ATP11B: variants seen among roughly 807,000 people sequenced by gnomAD.
ATP11B encodes the protein ATPase phospholipid transporting 11B (putative), also known as phospholipid-transporting ATPase IF.
ATP11B carries 81 observed loss-of-function variants against 157.8 expected under a neutral mutation model. The observed-to-expected ratio is 0.51, with a 90% CI of 0.43 to 0.62. ATP11B has a LOEUF of 0.62. ATP11B is among the 20% of genes least tolerant of loss of function. The pLI, the probability that ATP11B is intolerant of heterozygous loss-of-function variation, is 0.00. For missense variants in ATP11B, 1,165 were observed against 1,402.2 expected (o/e 0.83, Z 2.70); for synonymous variants, 451 against 469.4 (o/e 0.96, Z 0.51).
chr3:182,917,990 G>C, intron 29 of ATP11B, 33 bp from the exon 30 acceptor site: 1 of 1,610,100 alleles, frequency 6.2e-7, no homozygotes, highest in Non-Finnish European at 8.5e-7. Flanking sequence ...ATAGGTCCTG[G>C]TGAGCCAAAC....
intron 1 of ATP11B, among the ~76,000 whole-genome samples, chr3:182,801,449 T>C (rs946861467): frequency 6.6e-6 from 1 of 152,246 alleles, no homozygotes; most frequent in Non-Finnish European, 1.5e-5. Flanking sequence ...TTTTATTCTT[T>C]CTTTAAGCAT....
chr3:182,862,758 A>G (rs1055917013), intron 12 of ATP11B, among the ~76,000 whole-genome samples: 1 of 151,054 alleles, frequency 6.6e-6, no homozygotes, highest in Non-Finnish European at 1.5e-5. Flanking sequence ...CCATCTTCCA[A>G]ACTTGTGTCA....
rs762893832 is a variant in ATP11B at position 182,889,522 on chromosome 3, G to T, written c.2956G>T (p.Asp986Tyr). 1.5e-5 allele frequency: 24 copies of T among 1,561,608 alleles called. No homozygotes were observed. The highest frequency in any genetic ancestry group is 1.7e-4 in the Middle Eastern group (1 of 5,920). ...FFGSYLLIGKDTSLLGNGQMF... is the reference protein window; with the variant it reads ...FFGSYLLIGKYTSLLGNGQMF... ...TGGATCCTATTTACTAATAGGGAAAGATACATCTCTGCTTGGAAATGGCCA... is the reference window on the plus strand; with the variant it reads ...TGGATCCTATTTACTAATAGGGAAATATACATCTCTGCTTGGAAATGGCCA... Residue 986 changes from aspartate to tyrosine, a missense_variant, in exon 25 of 30, where the codon GAT becomes TAT. Asp to Tyr is a radical substitution (Grantham distance 160). This residue lies in a region of ATP11B where 303 missense variants were observed against 296.3 expected (regional missense o/e 1.02). Coordinates refer to ENST00000323116, the MANE Select transcript of ATP11B (RefSeq NM_014616.3).
At chr3:182,817,848 T>G (rs1355078123) in intron 1 of ATP11B, among the ~76,000 whole-genome samples, 1 of 152,142 alleles carries the variant, frequency 6.6e-6, no homozygotes, top group Non-Finnish European at 1.5e-5. Context: ...TTGTGAGAAT[T>G]TAGCAAAAAA....
At chr3:182,886,095 A>G in intron 23 of ATP11B, 85 bp downstream of exon 23, 1 of 902,280 alleles carries the variant, frequency 1.1e-6, no homozygotes, top group South Asian at 2.8e-5. Context: ...GTTTGAAGGG[A>G]CTTTTTTCAT....
chr3:182,821,184 A>T (rs911598683), intron 2 of ATP11B, among the ~76,000 whole-genome samples: 3 of 152,028 alleles, frequency 2.0e-5, no homozygotes, highest in African/African-American at 7.2e-5. Flanking sequence ...ATCTTGGCCC[A>T]TTGCAACCTC....
At chr3:182,875,569 G>A (rs373994996) in intron 19 of ATP11B, among the ~76,000 whole-genome samples, 1 of 152,134 alleles carries the variant, frequency 6.6e-6, no homozygotes, top group Non-Finnish European at 1.5e-5. Context: ...AGCCTCCTGC[G>A]TAGCTGGGAT....
chr3:182,808,965 A>G (rs1228121362), intron 1 of ATP11B, among the ~76,000 whole-genome samples: 2 of 152,044 alleles, frequency 1.3e-5, no homozygotes, highest in Non-Finnish European at 2.9e-5. Context: ...ACTTTAATTT[A>G]AAGTCTTAGA....
intron 21 of ATP11B, among the ~76,000 whole-genome samples, chr3:182,881,195 G>A (rs594199): frequency 1.3e-5 from 2 of 151,994 alleles, no homozygotes; most frequent in South Asian, 2.1e-4. Flanking sequence ...CAGCACTTTG[G>A]GGGGTTGAGG....
At chr3:182,829,517 A>T (rs1717969033) in intron 3 of ATP11B, among the ~76,000 whole-genome samples, 155 bp from the exon 4 acceptor site, 1 of 152,220 alleles carries the variant, frequency 6.6e-6, no homozygotes, top group Admixed American at 6.5e-5. Flanking sequence ...AATAGATTTA[A>T]ATAGTCTTCC....
intron 28 of ATP11B, among the ~76,000 whole-genome samples, chr3:182,905,407 A>T (rs1302275608): frequency 6.6e-6 from 1 of 152,220 alleles, no homozygotes; most frequent in Non-Finnish European, 1.5e-5. Context: ...CATGAAGTCC[A>T]GTTAGAGTAG....
At chr3:182,908,815 G>A (rs1451299100) in intron 28 of ATP11B, among the ~76,000 whole-genome samples, 2 of 152,112 alleles carry the variant, frequency 1.3e-5, no homozygotes, top group Non-Finnish European at 2.9e-5. Context: ...AGTAACATTT[G>A]ATGACTTGAT....
chr3:182,814,250 A>T (rs1185590598), intron 1 of ATP11B, among the ~76,000 whole-genome samples: 1 of 151,876 alleles, frequency 6.6e-6, no homozygotes, highest in East Asian at 2.0e-4. Context: ...TTTTTAGTAA[A>T]GATGGGGTTT....
chr3:182,890,746 C>G (rs1723118491), intron 25 of ATP11B, among the ~76,000 whole-genome samples: 1 of 152,136 alleles, frequency 6.6e-6, no homozygotes, highest in Admixed American at 6.5e-5. Flanking sequence ...ACATTACATG[C>G]ATTTGCTCAT....
chr3:182,883,361 G>T (rs1247872245), intron 21 of ATP11B, among the ~76,000 whole-genome samples: 1 of 151,576 alleles, frequency 6.6e-6, no homozygotes, highest in African/African-American at 2.4e-5. Flanking sequence ...GGGTTCAAGC[G>T]ATTCTCCTAC....
At position 182,874,830 on chromosome 3, in the gene ATP11B, ATTTTTATCTTAGTG is replaced by A; in HGVS notation, c.2252+816_2252+829del. The stretch of plus-strand genomic sequence containing the variant: ...AAAAATTATACTCAATGATTACTAC[ATTTTTATCTTAGTG>A]AAAATTTTGTTGAGATTTTTTCCTC... On this transcript the variant is annotated intron_variant, in intron 19 of 29. Coordinates refer to ENST00000323116, the MANE Select transcript of ATP11B (RefSeq NM_014616.3). Among the ~76,000 whole-genome samples the A allele has an allele frequency of 2.0e-5, 3 of 152,208 alleles. No individual in the cohort carries two copies. The South Asian group carries it at 6.2e-4, about 32-fold the overall frequency.
chr3:182,793,668 G>A lies in ATP11B; in HGVS notation c.-92G>A. Reference sequence around the variant, plus strand: ...CGGTAAGCGGAACTTCGGCCCGAGGGGCTCGCCCGCTCCCGCCTCTGTCTT... The same window carrying A: ...CGGTAAGCGGAACTTCGGCCCGAGGAGCTCGCCCGCTCCCGCCTCTGTCTT... On this transcript the variant is annotated 5_prime_UTR_variant, in exon 1 of 30. Transcript: ENST00000323116. The A allele has an allele frequency of 4.8e-6, 4 of 840,486 alleles. No individual in the cohort carries two copies. The highest frequency in any genetic ancestry group is 6.8e-6 in the Non-Finnish European group (4 of 585,702). 52.1% of individuals were successfully genotyped at this position (840,486 alleles called of 1,614,324 possible).
intron 19 of ATP11B, 54 bp from the exon 20 acceptor site, chr3:182,879,442 A>G: frequency 6.7e-7 from 1 of 1,486,876 alleles, no homozygotes; most frequent in Non-Finnish European, 9.0e-7. Context: ...ATATGAGTGT[A>G]AATAATATGG....
chr3:182,807,485 A>C (rs1212955945), intron 1 of ATP11B, among the ~76,000 whole-genome samples: 2 of 152,234 alleles, frequency 1.3e-5, no homozygotes, highest in African/African-American at 2.4e-5. Context: ...CAATGTGTAC[A>C]TTGATTTTAA....
Sources: allele counts gnomAD v4.1 joint callset (sites outside exome capture counted in the v4.1 genomes callset), GRCh38; gene constraint gnomAD v4.1.1; regional missense constraint gnomAD v4.1.1; transcripts MANE v1.5; gene names NCBI Gene and HGNC (gene_info 2026-07-23, HGNC 2026-07-21).